The following BRIX1 variants were observed in gnomAD, a reference collection of about 807,000 sequenced individuals.
The protein encoded by BRIX1 is biogenesis of ribosomes BRX1.
Under a neutral mutation model 44.0 loss-of-function variants are expected in BRIX1, and 15 were observed. That is an observed-to-expected ratio of 0.34 (90% CI 0.23 to 0.53). The LOEUF is 0.53. Ranked by LOEUF, BRIX1 falls within the 20% of genes least tolerant of loss-of-function variation. The pLI is 0.95. For synonymous variants in BRIX1, 149 were observed against 135.4 expected (o/e 1.10, Z -0.70); for missense variants, 420 against 432.8 (o/e 0.97, Z 0.26).
At chr5:34,916,018 G>T (rs1288034085) in intron 1 of BRIX1, 121 bp downstream of exon 1, 1 of 1,213,476 alleles carries the variant, frequency 8.2e-7, no homozygotes, top group Non-Finnish European at 1.1e-6. Context: ...ACGGTAGGTC[G>T]GTTTTAGCAA....
At chr5:34,917,611 G>T (rs990268136) in intron 1 of BRIX1, among the ~76,000 whole-genome samples, 32 of 152,130 alleles carry the variant, frequency 2.1e-4, no homozygotes, top group Admixed American at 2.0e-3. Flanking sequence ...CTGCACTCCA[G>T]CCTGGGTGAC....
intron 9 of BRIX1, 109 bp downstream of exon 9, chr5:34,925,084 T>A (rs551732485): frequency 6.8e-7 from 1 of 1,476,242 alleles, no homozygotes; most frequent in African/African-American, 1.4e-5. Flanking sequence ...ATTTGGTTTT[T>A]GCTGCATAGA....
In BRIX1 at chr5:34,915,763, C is replaced by T. The variant is rs779034407; in HGVS notation, c.25C>T (p.Arg9Cys). ...GATGGCGGCAACCAAGAGGAAACGG[C>T]GTGGAGGCTTTGCAGTTCAGGCGAA... The part of the protein sequence containing the change: MAATKRKR[R>C]GGFAVQAKKP... The change falls in exon 1 of 10, where the codon CGT (arginine) becomes TGT (cysteine). Residue 9 changes from arginine to cysteine, a missense_variant. Arg to Cys is a radical substitution (Grantham distance 180). Coordinates refer to ENST00000336767, the MANE Select transcript of BRIX1 (RefSeq NM_018321.4). The T allele has an allele frequency of 3.1e-6, 5 of 1,604,006 alleles. No homozygotes were observed. In the East Asian group the frequency reaches 6.7e-5, roughly 22 times the overall value.
intron 3 of BRIX1, chr5:34,920,200 T>A (rs1316761997): frequency 5.9e-6 from 1 of 170,496 alleles, no homozygotes; most frequent in Non-Finnish European, 1.2e-5. Context: ...TCAACATATA[T>A]AAAGTAAAAT....
intron 6 of BRIX1, 66 bp downstream of exon 6, chr5:34,922,834 T>C (rs370040292): frequency 7.3e-5 from 104 of 1,431,690 alleles, no homozygotes; most frequent in African/African-American, 1.1e-4. Flanking sequence ...TTAGTAGATA[T>C]AGTTGTGTTA....
At position 34,925,786 on chromosome 5, in the gene BRIX1, A is replaced by G. The variant is rs1177117954; in HGVS notation, c.*291A>G. 1 of 281,702 alleles carries G rather than the reference A, an allele frequency of 3.5e-6. No individual in the cohort carries two copies. The highest frequency in any genetic ancestry group is 7.2e-5 in the East Asian group (1 of 13,822). 17.5% of individuals were successfully genotyped at this position (281,702 alleles called of 1,614,324 possible). A position where few individuals can be genotyped will look rare whatever the true frequency, so the allele number is the denominator to read the frequency against. On this transcript the variant is annotated 3_prime_UTR_variant, in exon 10 of 10. Transcript: ENST00000336767. ...TTGGTTTAGCAAAGCTGAAATTCAG[A>G]CATTTATTAGGTCATATTATTTGTA...
intron 3 of BRIX1, 91 bp from the exon 4 acceptor site, chr5:34,922,126 T>G: frequency 3.0e-6 from 2 of 677,136 alleles, no homozygotes; most frequent in Non-Finnish European, 2.5e-6. Flanking sequence ...TAGGTATTTT[T>G]GAGATAATCT....
Position 34,917,599 on chromosome 5 carries a change from C to T in BRIX1, c.160-765C>T, listed in dbSNP as rs556238724. ...AGGTTGCAGTGAGCCGAGATCGCGC[C>T]ACTGCACTCCAGCCTGGGTGACAGA... On this transcript the variant is annotated intron_variant, in intron 1 of 9. Coordinates refer to ENST00000336767, the MANE Select transcript of BRIX1 (RefSeq NM_018321.4). 3.2e-3 allele frequency among the ~76,000 whole-genome samples: 489 copies of T among 152,226 alleles called. 2 individuals carry two copies. Among genetic ancestry groups the T allele is most frequent in the African/African-American group, 0.011 (473 of 41,538 alleles).
intron 1 of BRIX1, chr5:34,916,148 C>T (rs1764079412): frequency 2.6e-6 from 1 of 381,552 alleles, no homozygotes; most frequent in Non-Finnish European, 4.7e-6. Context: ...TTACAGGGTG[C>T]TCAGATCCAG....
At chr5:34,917,250 G>A (rs1033479869) in intron 1 of BRIX1, among the ~76,000 whole-genome samples, 7 of 152,198 alleles carry the variant, frequency 4.6e-5, no homozygotes, top group Admixed American at 2.6e-4. Context: ...TGATGTAGAC[G>A]TGAAAATCTA....
intron 6 of BRIX1, 62 bp from the exon 7 acceptor site, chr5:34,922,939 G>A: frequency 7.7e-7 from 1 of 1,291,138 alleles, no homozygotes; most frequent in Non-Finnish European, 1.1e-6. Context: ...AGAAACAAAT[G>A]AGCAAACAGT....
chr5:34,925,012 CA>C, intron 9 of BRIX1, 37 bp downstream of exon 9: 1 of 1,589,764 alleles, frequency 6.3e-7, no homozygotes, highest in Non-Finnish European at 8.5e-7. Flanking sequence ...TTCAATGTAC[CA>C]GAACCCTTTG....
rs748352775 is a variant in BRIX1, at chr5:34,925,251, C to T, written c.818C>T (p.Thr273Ile). ...CATCGGCGTGTCATAAGATCCATCACAGCTGCAAAATACAGAGAGAAACAG... is the reference window on the plus strand; with the variant it reads ...CATCGGCGTGTCATAAGATCCATCATAGCTGCAAAATACAGAGAGAAACAG... ...NMHRRVIRSI[T>I]AAKYREKQQV... Residue 273 changes from threonine to isoleucine, a missense_variant, in exon 10 of 10, where the codon ACA (threonine) becomes ATA (isoleucine). Thr to Ile is a moderately conservative substitution (Grantham distance 89). Transcript: ENST00000336767. The T allele has an allele frequency of 3.7e-6, 6 of 1,605,110 alleles. No homozygotes were observed. In the Admixed American group the frequency reaches 5.1e-5, roughly 14 times the overall value.
At chr5:34,922,110 C>T (rs992672306) in intron 3 of BRIX1, 107 bp from the exon 4 acceptor site, 15 of 589,578 alleles carry the variant, frequency 2.5e-5, no homozygotes, top group South Asian at 2.4e-4. Context: ...AGCCTATTAG[C>T]CTGGTTAGGT....
Position 34,925,500 on chromosome 5 carries a change from A to G in BRIX1, c.*5A>G, listed in dbSNP as rs374881575. 138 of 1,599,444 alleles carry G rather than the reference A, an allele frequency of 8.6e-5. No individual in the cohort carries two copies. The highest frequency in any genetic ancestry group is 1.0e-4 in the Non-Finnish European group (122 of 1,174,466). ...GACAGTGGGAAAACAAAATAAGTCA[A>G]TGGAAACCTGATTTGTTTTTCAGTT... On this transcript the variant is annotated 3_prime_UTR_variant, in exon 10 of 10. Transcript: ENST00000336767.
At position 34,915,845 on chromosome 5, in the gene BRIX1, C is replaced by A. The variant is rs764481155; in HGVS notation, c.107C>A (p.Ala36Glu). ...AEPPAKRHAT[A>E]EEVEEEERDR... ...CCGCCAGCTAAGCGGCACGCCACAG[C>A]AGAGGAGGTGGAGGAAGAAGAGAGG... Residue 36 changes from alanine (A) to glutamate (E), a missense_variant, in exon 1 of 10, where the codon GCA (alanine) becomes GAA (glutamate). Physicochemically the swap from Ala to Glu is moderately radical, Grantham distance 107. Coordinates refer to ENST00000336767, the MANE Select transcript of BRIX1 (RefSeq NM_018321.4). 5.7e-6 allele frequency: 9 copies of A among 1,567,844 alleles called. No individual in the cohort carries two copies. The Middle Eastern group carries it at 9.9e-4, about 173-fold the overall frequency.
rs1764160905 is a variant in BRIX1, at chr5:34,918,242, G to A, written c.160-122G>A. ...GGGAGGATCACTTACTTGAGCCCAG[G>A]AACTTGAAACTGCAGTGAGCCGTGA... On this transcript the variant is annotated intron_variant, in intron 1 of 9. Coordinates refer to ENST00000336767, the MANE Select transcript of BRIX1 (RefSeq NM_018321.4). The A allele has an allele frequency of 9.4e-6, 5 of 531,852 alleles. No individual in the cohort carries two copies. In the South Asian group the frequency reaches 1.5e-4, roughly 16 times the overall value. 32.9% of individuals were successfully genotyped at this position (531,852 alleles called of 1,614,324 possible).
intron 8 of BRIX1, 59 bp from the exon 9 acceptor site, chr5:34,924,788 G>T: frequency 8.4e-7 from 1 of 1,193,420 alleles, no homozygotes. Flanking sequence ...GTTATAGCCA[G>T]TATACCTTTT....
intron 8 of BRIX1, among the ~76,000 whole-genome samples, chr5:34,924,078 A>C (rs1003746782): frequency 2.0e-5 from 3 of 152,216 alleles, no homozygotes; most frequent in African/African-American, 7.2e-5. Flanking sequence ...AGCAAAATGT[A>C]ATTGCTCTAG....
Sources: allele counts gnomAD v4.1 joint callset (sites outside exome capture counted in the v4.1 genomes callset), GRCh38; gene constraint gnomAD v4.1.1; transcripts MANE v1.5; gene names NCBI Gene and HGNC (gene_info 2026-07-23, HGNC 2026-07-21).